SEL1L3: variants seen among roughly 807,000 people sequenced by gnomAD.
The protein encoded by SEL1L3 is SEL1L family member 3, also known as protein sel-1 homolog 3.
In SEL1L3, 76 loss-of-function variants were observed where a neutral mutation model predicts 142.8. The observed-to-expected ratio is 0.53, with a 90% CI of 0.44 to 0.64. SEL1L3 has a LOEUF of 0.64. Ranked by LOEUF, SEL1L3 falls within the 30% of genes least tolerant of loss-of-function variation. The pLI is 0.00. For synonymous variants in SEL1L3, 504 were observed against 519.6 expected (o/e 0.97, Z 0.41); for missense variants, 1,262 against 1,381.7 (o/e 0.91, Z 1.37).
chr4:25,772,211 T>A (rs1292715440), intron 17 of SEL1L3, among the ~76,000 whole-genome samples: 1 of 152,244 alleles, frequency 6.6e-6, no homozygotes, highest in Admixed American at 6.5e-5. Context: ...ATGGAAGTAC[T>A]TTGTCCCAAA....
At chr4:25,746,525 TA>T (rs1321542451), downstream of SEL1L3, among the ~76,000 whole-genome samples, 1 of 138,196 alleles carries the variant, frequency 7.2e-6, no homozygotes, top group Admixed American at 7.2e-5. Context: ...TATATATATA[TA>T]TTTAAATATA....
At chr4:25,793,055 C>T (rs1405585062) in intron 11 of SEL1L3, among the ~76,000 whole-genome samples, 1 of 152,192 alleles carries the variant, frequency 6.6e-6, no homozygotes, top group South Asian at 2.1e-4. Context: ...CTCATCAAAT[C>T]TTTGCAACCT....
At chr4:25,759,125 C>A in intron 20 of SEL1L3, 57 bp from the exon 21 acceptor site, 2 of 1,564,866 alleles carry the variant, frequency 1.3e-6, no homozygotes, top group Non-Finnish European at 1.7e-6. Context: ...CCTAGACACA[C>A]ACTCTTCATC....
At chr4:25,847,917 C>A in intron 1 of SEL1L3, 53 bp from the exon 2 acceptor site, 1 of 1,037,234 alleles carries the variant, frequency 9.6e-7, no homozygotes, top group Non-Finnish European at 1.4e-6. Context: ...AAATCCTCAT[C>A]ATAACAGATA....
chr4:25,741,598 A>G, the SEL1L3 span, among the ~76,000 whole-genome samples: 1 of 152,096 alleles, frequency 6.6e-6, no homozygotes, highest in Non-Finnish European at 1.5e-5. Context: ...GTTGATTAAC[A>G]TACATTCTTT....
At chr4:25,797,374 G>A (rs1467923168) in intron 11 of SEL1L3, among the ~76,000 whole-genome samples, 1 of 152,168 alleles carries the variant, frequency 6.6e-6, no homozygotes, top group Non-Finnish European at 1.5e-5. Context: ...TGGCAGAACC[G>A]CCACGAGGAA....
rs769169498 is a variant in SEL1L3, at chr4:25,819,823, C to T, written c.1408G>A (p.Glu470Lys). 1.8e-5 allele frequency: 29 copies of T among 1,611,682 alleles called. No individual in the cohort carries two copies. Among genetic ancestry groups the T allele is most frequent in the Non-Finnish European group, 2.2e-5 (26 of 1,179,092 alleles). ...VYASAAKHGGERQEACHLHNS... is the reference protein window; with the variant it reads ...VYASAAKHGGKRQEACHLHNS... ...CAACACTTACATGCTTCTTGTCTCTCGCCCCCGTGCTTTGCTGCAGATGCA... is the reference window on the plus strand; with the variant it reads ...CAACACTTACATGCTTCTTGTCTCTTGCCCCCGTGCTTTGCTGCAGATGCA... The change falls in exon 8 of 24, where the codon GAG becomes AAG. Residue 470 changes from glutamate (E) to lysine (K), a missense_variant. This residue lies in a region of SEL1L3 where 689 missense variants were observed against 692.8 expected (regional missense o/e 0.99). Coordinates refer to ENST00000399878, the MANE Select transcript of SEL1L3 (RefSeq NM_015187.5).
intron 17 of SEL1L3, among the ~76,000 whole-genome samples, chr4:25,769,801 GT>G (rs1719024433): frequency 6.6e-6 from 1 of 152,182 alleles, no homozygotes; most frequent in Non-Finnish European, 1.5e-5. Flanking sequence ...TGGCTGGGAT[GT>G]GGCTCGTGTT....
chr4:25,724,730 C>G, the SEL1L3 span, among the ~76,000 whole-genome samples: 1 of 43,790 alleles, frequency 2.3e-5, no homozygotes, highest in Non-Finnish European at 4.0e-5. Flanking sequence ...GAGCCAGACT[C>G]CAACTCAAAA....
intron 21 of SEL1L3, among the ~76,000 whole-genome samples, chr4:25,758,713 C>A (rs1423696234): frequency 6.6e-6 from 1 of 151,082 alleles, no homozygotes; most frequent in Non-Finnish European, 1.5e-5. Context: ...AAGGTTCTGC[C>A]AGGTTGGCCA....
chr4:25,833,000 C>T lies in SEL1L3; in HGVS notation c.1093G>A (p.Gly365Ser), dbSNP rs1249889880. Residue 365 changes from glycine to serine, a missense_variant, in exon 5 of 24, where the codon GGC (glycine) becomes AGC (serine). Gly to Ser is a moderately conservative substitution (Grantham distance 56, BLOSUM62 0). Transcript: ENST00000399878. ...TGAAGCGTGCATACAGATACCTGGC[C>T]TCCGTTAAAAGAGATATCCAGTCGA... The part of the protein sequence containing the change: ...WFRLDISFNG[G>S]QIVVTTSIGQ... The T allele has an allele frequency of 6.3e-7, 1 of 1,581,366 alleles. No homozygotes were observed. Among genetic ancestry groups the T allele is most frequent in the South Asian group, 1.1e-5 (1 of 90,322 alleles).
intron 6 of SEL1L3, among the ~76,000 whole-genome samples, chr4:25,827,804 C>T (rs1428885922): frequency 6.6e-6 from 1 of 151,216 alleles, no homozygotes; most frequent in Non-Finnish European, 1.5e-5. Context: ...AACCAGTGGT[C>T]GAAAATGTCC....
At chr4:25,744,834 C>A (rs968525988), downstream of SEL1L3, among the ~76,000 whole-genome samples, 2 of 152,146 alleles carry the variant, frequency 1.3e-5, no homozygotes, top group Non-Finnish European at 2.9e-5. Flanking sequence ...GTGAAGACAC[C>A]GAAAGGTGAC....
At chr4:25,829,978 C>A in intron 6 of SEL1L3, 120 bp downstream of exon 6, 1 of 687,924 alleles carries the variant, frequency 1.5e-6, no homozygotes, top group Non-Finnish European at 2.6e-6. Flanking sequence ...AGAGAATAAT[C>A]CATGCTTGGA....
intron 1 of SEL1L3, among the ~76,000 whole-genome samples, chr4:25,855,636 C>G (rs1022226936): frequency 6.6e-6 from 1 of 152,088 alleles, no homozygotes; most frequent in Non-Finnish European, 1.5e-5. Flanking sequence ...TGGCGGGCAC[C>G]GGTAATCCCA....
At chr4:25,845,133 A>T (rs1457653512) in intron 2 of SEL1L3, among the ~76,000 whole-genome samples, 1 of 152,210 alleles carries the variant, frequency 6.6e-6, no homozygotes, top group Non-Finnish European at 1.5e-5. Context: ...CCCAATTTTG[A>T]TTTTGCACTG....
At chr4:25,723,998 G>C in the SEL1L3 span, among the ~76,000 whole-genome samples, 30 of 152,182 alleles carry the variant, frequency 2.0e-4, no homozygotes, top group Non-Finnish European at 7.3e-5. Context: ...AATGAGGATA[G>C]AAAATATTCT....
At chr4:25,830,468 C>CAAGG (rs1461076858) in intron 5 of SEL1L3, among the ~76,000 whole-genome samples, 1 of 152,068 alleles carries the variant, frequency 6.6e-6, no homozygotes, top group East Asian at 1.9e-4. Context: ...TGTAGAAAGA[C>CAAGG]AAGGAAATAT....
In SEL1L3 at chr4:25,762,847, G is replaced by A. The variant is rs1163500897; in HGVS notation, c.2955+2479C>T. Among the ~76,000 whole-genome samples the A allele has an allele frequency of 6.6e-5, 10 of 152,120 alleles. No individual in the cohort carries two copies. In the South Asian group the frequency reaches 1.2e-3, roughly 19 times the overall value. On this transcript the variant is annotated intron_variant, in intron 20 of 23. Coordinates refer to ENST00000399878, the MANE Select transcript of SEL1L3 (RefSeq NM_015187.5). ...ACAAAAATTAGCTGGGTGTGGTGGC[G>A]CGCCTGTAGTCCTAGCTACTCGGGA...
Sources: allele counts gnomAD v4.1 joint callset (sites outside exome capture counted in the v4.1 genomes callset), GRCh38; gene constraint gnomAD v4.1.1; regional missense constraint gnomAD v4.1.1; transcripts MANE v1.5; gene names NCBI Gene and HGNC (gene_info 2026-07-23, HGNC 2026-07-21).